MAN2B2: variants seen among roughly 807,000 people sequenced by gnomAD.
The protein encoded by MAN2B2 is mannosidase alpha class 2B member 2.
A neutral mutation model predicts 117.1 loss-of-function variants in MAN2B2; 106 were observed. The ratio of observed to expected loss-of-function variants is 0.90; its 90% CI spans 0.77 to 1.06. The LOEUF (loss-of-function observed/expected upper bound fraction) is 1.06, where lower values mean the gene tolerates loss of function less well. MAN2B2 is among the 50% of genes least tolerant of loss of function. The pLI, the probability that MAN2B2 is intolerant of heterozygous loss-of-function variation, is 0.00. For missense variants in MAN2B2, 1,326 were observed against 1,381.4 expected (o/e 0.96, Z 0.64); for synonymous variants, 544 against 595.1 (o/e 0.91, Z 1.25).
intron 10 of MAN2B2, among the ~76,000 whole-genome samples, chr4:6,602,411 G>A (rs997425772): frequency 1.4e-4 from 21 of 152,176 alleles, no homozygotes; most frequent in Admixed American, 1.3e-3. Context: ...CATGGCACAA[G>A]AGGCCAAGGG....
rs1712173444 is a variant in MAN2B2 at position 6,621,513 on chromosome 4, CCT to C, written c.*232_*233del. ...CCCCCCCACACTCAATCAAGCCAGC[CCT>C]CTCCTCTTCTGTCACGTAAAGGATA... On this transcript the variant is annotated 3_prime_UTR_variant, in exon 19 of 19. Coordinates refer to ENST00000285599, the MANE Select transcript of MAN2B2 (RefSeq NM_015274.3). The C allele has an allele frequency of 5.9e-6, 3 of 509,306 alleles. No individual in the cohort carries two copies. The highest frequency in any genetic ancestry group is 1.1e-5 in the Non-Finnish European group (3 of 284,792). 31.5% of individuals were successfully genotyped at this position (509,306 alleles called of 1,614,324 possible).
intron 3 of MAN2B2, among the ~76,000 whole-genome samples, chr4:6,579,286 C>T (rs1039717116): frequency 2.7e-5 from 3 of 112,054 alleles, no homozygotes; most frequent in African/African-American, 1.0e-4. Context: ...ACCACCATCA[C>T]CATCACCACC....
chr4:6,606,174 A>G (rs1213541583), intron 11 of MAN2B2, among the ~76,000 whole-genome samples: 1 of 152,142 alleles, frequency 6.6e-6, no homozygotes, highest in Non-Finnish European at 1.5e-5. Flanking sequence ...GAGGAGGGAG[A>G]GAAGAAGGGA....
intron 3 of MAN2B2, among the ~76,000 whole-genome samples, chr4:6,579,083 A>C: frequency 1.1e-5 from 1 of 91,636 alleles, no homozygotes; most frequent in Non-Finnish European, 2.1e-5. Flanking sequence ...CACCACCACC[A>C]CCATCACCAT....
rs980639460 is a variant in MAN2B2, at chr4:6,623,063, A to G, written c.*1778A>G. Reference sequence around the variant, plus strand: ...TGCATGAGGCTTGGTTTCTGTGTCAAGAAGACTATGGAGGCTGGGCAGTGG... The same window carrying G: ...TGCATGAGGCTTGGTTTCTGTGTCAGGAAGACTATGGAGGCTGGGCAGTGG... On this transcript the variant is annotated 3_prime_UTR_variant, in exon 19 of 19. Coordinates refer to ENST00000285599, the MANE Select transcript of MAN2B2 (RefSeq NM_015274.3). The G allele has an allele frequency of 1.3e-5, 2 of 151,884 alleles. No homozygotes were observed. Among genetic ancestry groups the G allele is most frequent in the African/African-American group, 2.4e-5 (1 of 40,960 alleles). 9.4% of individuals were successfully genotyped at this position (151,884 alleles called of 1,614,324 possible).
At chr4:6,594,485 C>T (rs773512495) in intron 6 of MAN2B2, 49 bp from the exon 7 acceptor site, 66 of 1,584,716 alleles carry the variant, frequency 4.2e-5, no homozygotes, top group East Asian at 3.8e-4. Context: ...CCCCACTGGG[C>T]GAGCGCCCTG....
rs777457446 is a variant in MAN2B2 at position 6,609,936 on chromosome 4, T to C, written c.2145T>C (p.Ala715=). ...QAGPLELNRE[A]VLRTSTNLNS... ...GCCCCCTGGAGCTGAACCGTGAGGC[T>C]GTCCTGAGGACCAGCACCAACCTAA... The change falls in exon 13 of 19, where the codon GCT becomes GCC. Residue 715 remains alanine (A), a synonymous_variant. Coordinates refer to ENST00000285599, the MANE Select transcript of MAN2B2 (RefSeq NM_015274.3). 4.3e-6 allele frequency: 7 copies of C among 1,614,046 alleles called. No individual in the cohort carries two copies. The highest frequency in any genetic ancestry group is 5.9e-6 in the Non-Finnish European group (7 of 1,180,040).
chr4:6,579,090 CCATCACCAGCACCACCACCAT>C (rs1726215207), intron 3 of MAN2B2, among the ~76,000 whole-genome samples: 1 of 65,974 alleles, frequency 1.5e-5, no homozygotes, highest in Non-Finnish European at 2.9e-5. Flanking sequence ...ACCACCATCA[CCATCACCAGCACCACCACCAT>C]CACCATCACC....
At chr4:6,591,489 AG>A (rs1319139422) in intron 5 of MAN2B2, among the ~76,000 whole-genome samples, 3 of 152,216 alleles carry the variant, frequency 2.0e-5, no homozygotes, top group African/African-American at 4.8e-5. Flanking sequence ...ACTCCTGCAG[AG>A]GACGTGAGTG....
intron 5 of MAN2B2, among the ~76,000 whole-genome samples, chr4:6,591,378 C>G (rs1209996842): frequency 6.6e-6 from 1 of 152,244 alleles, no homozygotes; most frequent in Non-Finnish European, 1.5e-5. Context: ...CATACAATCA[C>G]AGCTCACACC....
intron 17 of MAN2B2, chr4:6,619,431 A>C: frequency 6.5e-6 from 1 of 154,752 alleles, no homozygotes; most frequent in Non-Finnish European, 1.4e-5. Flanking sequence ...CTCCGTCAGC[A>C]CACAGAAGCT....
At chr4:6,594,876 C>A in intron 7 of MAN2B2, 144 bp downstream of exon 7, 1 of 797,066 alleles carries the variant, frequency 1.3e-6, no homozygotes, top group Non-Finnish European at 2.0e-6. Context: ...GGCGCAGGGG[C>A]AGAGACTGAC....
chr4:6,597,103 T>C lies in MAN2B2; in HGVS notation c.1058-10T>C. The C allele has an allele frequency of 1.9e-6, 3 of 1,611,212 alleles. No individual in the cohort carries two copies. Among genetic ancestry groups the C allele is most frequent in the Non-Finnish European group, 2.5e-6 (3 of 1,178,610 alleles). On this transcript the variant is annotated splice_polypyrimidine_tract_variant and intron_variant, in intron 7 of 18. Coordinates refer to ENST00000285599, the MANE Select transcript of MAN2B2 (RefSeq NM_015274.3). The stretch of plus-strand genomic sequence containing the variant: ...CCGTCTCAAGCTCACCATCTTCCCT[T>C]GTCTCCCAGAACCATTCCAGGCCTG...
In MAN2B2 at chr4:6,597,258, C is replaced by T; in HGVS notation, c.1203C>T (p.Thr401=). 1 of 1,586,244 alleles carries T rather than the reference C, an allele frequency of 6.3e-7. No homozygotes were observed. The highest frequency in any genetic ancestry group is 1.4e-5 in the African/African-American group (1 of 73,816). Residue 401 remains threonine, a synonymous_variant, in exon 8 of 19, where the codon ACC becomes ACT. Transcript: ENST00000285599. ...WPAPRGHLDP[T]WALQQLQQLR... ...CCCCCCGTGGGCATCTGGACCCCAC[C>T]TGGGCCCTGCAGCAGCTCCAGCAGC...
At chr4:6,580,189 G>C (rs765942434) in intron 3 of MAN2B2, among the ~76,000 whole-genome samples, 1 of 152,142 alleles carries the variant, frequency 6.6e-6, no homozygotes, top group Non-Finnish European at 1.5e-5. Flanking sequence ...CCCTAGACTT[G>C]CCCTTCCATG....
At position 6,589,117 on chromosome 4, in the gene MAN2B2, C is replaced by T; in HGVS notation, c.637C>T (p.Gln213Ter). Reference protein sequence around the residue: ...RQEIFTHIMDQYSYCTPSHIP... With the variant: ...RQEIFTHIMD ...GGAAATCTTCACGCACATCATGGAC[C>T]AGTACAGCTACTGCACCCCGTCCCA... The change falls in exon 5 of 19, where the codon CAG becomes TAG. Residue 213 changes from glutamine to a stop codon, truncating the protein, a stop_gained. Transcript: ENST00000285599. LOFTEE classifies it high-confidence loss of function. 6.2e-7 allele frequency: 1 copy of T among 1,614,224 alleles called. No individual in the cohort carries two copies. The highest frequency in any genetic ancestry group is 8.5e-7 in the Non-Finnish European group (1 of 1,180,022).
intron 9 of MAN2B2, among the ~76,000 whole-genome samples, chr4:6,599,540 T>G (rs1727242243): frequency 2.0e-5 from 3 of 151,912 alleles, no homozygotes; most frequent in African/African-American, 7.2e-5. Context: ...GGCGGGCGCC[T>G]GTAGTCCCAG....
chr4:6,579,213 C>CCATCACCAT (rs1726270980), intron 3 of MAN2B2, among the ~76,000 whole-genome samples: 1 of 78,780 alleles, frequency 1.3e-5, no homozygotes, highest in Admixed American at 1.2e-4. Context: ...ATCACCATCA[C>CCATCACCAT]CACCACCACC....
chr4:6,598,534 C>T (rs1380442328), intron 9 of MAN2B2, among the ~76,000 whole-genome samples, 180 bp downstream of exon 9: 2 of 152,172 alleles, frequency 1.3e-5, no homozygotes, highest in East Asian at 3.8e-4. Context: ...TTTGCTCATC[C>T]GTGCAATGAG....
Sources: allele counts gnomAD v4.1 joint callset (sites outside exome capture counted in the v4.1 genomes callset), GRCh38; gene constraint gnomAD v4.1.1; transcripts MANE v1.5; gene names NCBI Gene and HGNC (gene_info 2026-07-23, HGNC 2026-07-21).